The following GABRG3 variants were observed in gnomAD, a reference collection of about 807,000 sequenced individuals.
GABRG3 encodes gamma-aminobutyric acid receptor subunit gamma-3.
A neutral mutation model predicts 48.8 loss-of-function variants in GABRG3; 25 were observed. The ratio of observed to expected loss-of-function variants is 0.51; its 90% CI spans 0.37 to 0.72. The LOEUF is 0.72. GABRG3 is among the 30% of genes least tolerant of loss of function. The probability of loss-of-function intolerance (pLI) is 0.00; values close to 1 mark genes in which losing one functional copy is unlikely to be tolerated. For synonymous variants in GABRG3, 227 were observed against 217.6 expected (o/e 1.04, Z -0.38); for missense variants, 394 against 577.9 (o/e 0.68, Z 3.26).
intron 5 of GABRG3, among the ~76,000 whole-genome samples, chr15:27,356,947 A>G (rs77565649): frequency 0.013 from 2,022 of 152,302 alleles, 44 homozygotes; most frequent in African/African-American, 0.046. Flanking sequence ...GGTGATGTTC[A>G]TTCTATAATG....
At chr15:27,510,105 C>T (rs933154434) in intron 6 of GABRG3, among the ~76,000 whole-genome samples, 15 of 152,168 alleles carry the variant, frequency 9.9e-5, no homozygotes, top group Admixed American at 6.5e-4. Context: ...TTTGACTCTT[C>T]CCCTTGCACT....
At chr15:27,276,299 C>T (rs1891250872) in intron 3 of GABRG3, among the ~76,000 whole-genome samples, 1 of 152,178 alleles carries the variant, frequency 6.6e-6, no homozygotes, top group Non-Finnish European at 1.5e-5. Context: ...TTGGAAATGA[C>T]AGCACAAATT....
Position 27,428,119 on chromosome 15 carries a change from C to T in GABRG3, c.575-52531C>T, listed in dbSNP as rs113778290. ...GCCCAGGCTGGTTTCAAACTCCTGG[C>T]GTCAAGCAGTCCTCCCGCATTGGCC... On this transcript the variant is annotated intron_variant, in intron 5 of 9. Transcript: ENST00000615808. 1,076 of 152,934 alleles carry T rather than the reference C, an allele frequency of 7.0e-3. 10 individuals carry two copies. The highest frequency in any genetic ancestry group is 0.024 in the African/African-American group (1,016 of 41,522). 9.5% of individuals were successfully genotyped at this position (152,934 alleles called of 1,614,324 possible).
At chr15:27,120,675 C>T (rs1897716104) in intron 3 of GABRG3, among the ~76,000 whole-genome samples, 1 of 152,088 alleles carries the variant, frequency 6.6e-6, no homozygotes, top group Admixed American at 6.5e-5. Context: ...AGGCTGCTGG[C>T]TGTCATTGCC....
At chr15:27,526,521 A>G (rs1019252908) in intron 7 of GABRG3, among the ~76,000 whole-genome samples, 3 of 152,136 alleles carry the variant, frequency 2.0e-5, no homozygotes, top group Admixed American at 2.0e-4. Flanking sequence ...ATTTCTTGGG[A>G]AGACTCGGGA....
At chr15:27,135,715 G>A (rs548424106) in intron 3 of GABRG3, among the ~76,000 whole-genome samples, 3 of 152,184 alleles carry the variant, frequency 2.0e-5, no homozygotes, top group Admixed American at 2.0e-4. Flanking sequence ...GACCAGCCTG[G>A]CCAATATGGT....
At chr15:26,999,862 ATTCTT>A (rs1423204931) in intron 2 of GABRG3, among the ~76,000 whole-genome samples, 10 of 152,174 alleles carry the variant, frequency 6.6e-5, no homozygotes, top group African/African-American at 2.4e-4. Context: ...CAAGTTCACT[ATTCTT>A]TTCTACTGTG....
intron 3 of GABRG3, among the ~76,000 whole-genome samples, chr15:27,296,526 C>T (rs949993850): frequency 6.6e-6 from 1 of 151,518 alleles, no homozygotes; most frequent in South Asian, 2.1e-4. Context: ...TAGTCATGTG[C>T]TACATAATGA....
intron 5 of GABRG3, among the ~76,000 whole-genome samples, chr15:27,388,162 GGAAGGAAGGAAGGAAA>G (rs1896037988): frequency 4.2e-5 from 1 of 23,658 alleles, no homozygotes; most frequent in Non-Finnish European, 8.8e-5. Context: ...AAGGAAGAAA[GGAAGGAAGGAAGGAAA>G]GGAGGGAGGG....
intron 3 of GABRG3, among the ~76,000 whole-genome samples, chr15:27,055,056 T>G (rs183891782): frequency 3.3e-5 from 5 of 151,440 alleles, no homozygotes; most frequent in Non-Finnish European, 7.4e-5. Flanking sequence ...TAATAGTCTT[T>G]ACATTCTTAA....
chr15:27,232,441 T>C (rs1417803327), intron 3 of GABRG3, among the ~76,000 whole-genome samples: 1 of 152,170 alleles, frequency 6.6e-6, no homozygotes, highest in Admixed American at 6.5e-5. Context: ...GCCTCCTTCT[T>C]GCCTCGTTCC....
intron 3 of GABRG3, among the ~76,000 whole-genome samples, chr15:27,059,452 T>C (rs1896608548): frequency 6.6e-6 from 1 of 152,244 alleles, no homozygotes; most frequent in Non-Finnish European, 1.5e-5. Context: ...TGAGATACTA[T>C]GTTGGCTATA....
intron 3 of GABRG3, among the ~76,000 whole-genome samples, chr15:27,168,124 A>C (rs1471727524): frequency 2.0e-5 from 3 of 151,790 alleles, no homozygotes; most frequent in Non-Finnish European, 4.4e-5. Flanking sequence ...GACCTTTCTA[A>C]AGAAGCTCAG....
At chr15:27,505,723 T>G (rs1209843575) in intron 6 of GABRG3, among the ~76,000 whole-genome samples, 1 of 152,198 alleles carries the variant, frequency 6.6e-6, no homozygotes, top group African/African-American at 2.4e-5. Flanking sequence ...TATATTAGCC[T>G]GTGGTTTTCA....
At chr15:27,424,209 A>G (rs1888220062) in intron 5 of GABRG3, among the ~76,000 whole-genome samples, 1 of 152,180 alleles carries the variant, frequency 6.6e-6, no homozygotes, top group Non-Finnish European at 1.5e-5. Context: ...GTCTTGGGTC[A>G]CACCATATAG....
chr15:27,308,599 C>CAT lies in GABRG3; in HGVS notation c.271-18208_271-18207dup, dbSNP rs554656482. Reference sequence around the variant, plus strand: ...ATGTAAACATACATTTATATATAAACATAATGTAAACATACGCTTATATAT... The same window carrying CAT: ...ATGTAAACATACATTTATATATAAACATATAATGTAAACATACGCTTATATAT... On this transcript the variant is annotated intron_variant, in intron 3 of 9. Coordinates refer to ENST00000615808, the MANE Select transcript of GABRG3 (RefSeq NM_033223.5). Among the ~76,000 whole-genome samples the CAT allele has an allele frequency of 6.3e-5, 9 of 142,076 alleles. No individual in the cohort carries two copies. In the East Asian group the frequency reaches 6.5e-4, roughly 10 times the overall value. 93.2% of individuals were successfully genotyped at this position (142,076 alleles called of 152,430 possible). A position where few individuals can be genotyped will look rare whatever the true frequency, so the allele number is the denominator to read the frequency against.
intron 3 of GABRG3, among the ~76,000 whole-genome samples, chr15:27,201,923 T>G (rs966139166): frequency 2.6e-5 from 4 of 152,098 alleles, no homozygotes; most frequent in African/African-American, 9.7e-5. Context: ...GAACAGAAAA[T>G]CTAAGAGCTG....
In GABRG3 at chr15:27,455,724, GGTTT is replaced by G. The variant is rs546477574; in HGVS notation, c.575-24923_575-24920del. ...TGCATGGTGTGTGCATGCTATGTGTGGTTTGTGAGTTTGTGTGTGGTGTGTGTGT... is the reference window on the plus strand; with the variant it reads ...TGCATGGTGTGTGCATGCTATGTGTGGTGAGTTTGTGTGTGGTGTGTGTGT... On this transcript the variant is annotated intron_variant, in intron 5 of 9. Transcript: ENST00000615808. 3.4e-4 allele frequency among the ~76,000 whole-genome samples: 51 copies of G among 150,758 alleles called. 1 individual carries two copies. The highest frequency in any genetic ancestry group is 3.5e-3 in the Middle Eastern group (1 of 286).
At chr15:27,132,444 A>G (rs1595542350) in intron 3 of GABRG3, among the ~76,000 whole-genome samples, 1 of 104,638 alleles carries the variant, frequency 9.6e-6, no homozygotes, top group Non-Finnish European at 2.0e-5. Context: ...GTTTATGATT[A>G]CTGATTCAAT....
Sources: gnomAD v4.1 joint callset for allele counts (sites outside exome capture counted in the v4.1 genomes callset) on GRCh38, gnomAD v4.1.1 for gene constraint, MANE v1.5 for transcripts, NCBI Gene and HGNC (gene_info 2026-07-23, HGNC 2026-07-21) for gene names.